CSTF3: variants seen among roughly 807,000 people sequenced by gnomAD.
CSTF3 encodes CF-1 77 kDa subunit.
Under a neutral mutation model 105.8 loss-of-function variants are expected in CSTF3, and 29 were observed. The observed-to-expected ratio is 0.27, with a 90% confidence interval of 0.20 to 0.37. The LOEUF is 0.37. Ranked by LOEUF, CSTF3 falls within the 10% of genes least tolerant of loss-of-function variation. CSTF3 has a pLI of 1.00. For missense variants in CSTF3, 357 were observed against 879.3 expected (o/e 0.41, Z 7.51); for synonymous variants, 252 against 281.9 (o/e 0.89, Z 1.06).
chr11:33,095,822 AT>A (rs201569985), intron 15 of CSTF3, among the ~76,000 whole-genome samples: 1,756 of 133,648 alleles, frequency 0.013, 33 homozygotes, highest in Middle Eastern at 0.019. Context: ...TCTGTCTCAA[AT>A]AAATAAATAA....
intron 1 of CSTF3, among the ~76,000 whole-genome samples, chr11:33,145,726 ATAG>A (rs1398308379): frequency 6.6e-6 from 1 of 151,972 alleles, no homozygotes; most frequent in African/African-American, 2.4e-5. Flanking sequence ...AGGCAAGAGA[ATAG>A]CGTGAACCTG....
At chr11:33,127,498 A>G (rs1420307050) in intron 3 of CSTF3, among the ~76,000 whole-genome samples, 1 of 152,212 alleles carries the variant, frequency 6.6e-6, no homozygotes, top group South Asian at 2.1e-4. Context: ...TATTACATCA[A>G]CACATTCTTA....
chr11:33,126,854 G>A (rs913821818), intron 3 of CSTF3, among the ~76,000 whole-genome samples: 3 of 152,084 alleles, frequency 2.0e-5, no homozygotes, highest in Admixed American at 2.0e-4. Context: ...CAAACTATAA[G>A]TAAATTATTC....
At chr11:33,088,567 A>C (rs1207085279) in intron 17 of CSTF3, among the ~76,000 whole-genome samples, 1 of 152,054 alleles carries the variant, frequency 6.6e-6, no homozygotes, top group Middle Eastern at 3.2e-3. Flanking sequence ...GGTGTGAGCC[A>C]CCACACCTGG....
intron 15 of CSTF3, among the ~76,000 whole-genome samples, chr11:33,093,895 A>T (rs1305235124): frequency 1.3e-5 from 2 of 151,986 alleles, no homozygotes; most frequent in Non-Finnish European, 2.9e-5. Flanking sequence ...TTTAGTAGAG[A>T]CGGGGTTTCA....
intron 3 of CSTF3, among the ~76,000 whole-genome samples, chr11:33,111,759 C>A (rs553749699): frequency 1.3e-5 from 2 of 152,052 alleles, no homozygotes; most frequent in East Asian, 3.9e-4. Context: ...TGGTATTAGC[C>A]CAATAAATGT....
intron 1 of CSTF3, among the ~76,000 whole-genome samples, chr11:33,146,228 G>C (rs1171757081): frequency 1.3e-5 from 2 of 151,334 alleles, no homozygotes; most frequent in Non-Finnish European, 2.9e-5. Context: ...GGGTAATAGA[G>C]CAAGACTCCG....
rs537311259 is a variant in CSTF3, at chr11:33,123,571, C to A, written c.226-15153G>T. 1.3e-4 allele frequency among the ~76,000 whole-genome samples: 19 copies of A among 151,972 alleles called. No individual in the cohort carries two copies. In the South Asian group the frequency reaches 3.9e-3, roughly 32 times the overall value. On this transcript the variant is annotated intron_variant, in intron 3 of 20. Transcript: ENST00000323959. ...GATATGTACACAATTACTGCAGTACCGTCTGTAATAATATATAAGACAGGG... is the reference window on the plus strand; with the variant it reads ...GATATGTACACAATTACTGCAGTACAGTCTGTAATAATATATAAGACAGGG...
chr11:33,118,066 C>T (rs919068283), intron 3 of CSTF3, among the ~76,000 whole-genome samples: 3 of 150,218 alleles, frequency 2.0e-5, no homozygotes, highest in East Asian at 1.9e-4. Flanking sequence ...TCTCTAATCT[C>T]ATGACAGATT....
chr11:33,090,096 A>G (rs1384031687), intron 17 of CSTF3, among the ~76,000 whole-genome samples: 4 of 152,248 alleles, frequency 2.6e-5, no homozygotes, highest in Non-Finnish European at 5.9e-5. Context: ...ACAAGCTGTA[A>G]TATTTCTTCA....
intron 3 of CSTF3, chr11:33,141,434 C>T: frequency 1.6e-6 from 2 of 1,277,550 alleles, no homozygotes; most frequent in Non-Finnish European, 2.0e-6. Context: ...ACTCCAATAC[C>T]ATTGAAACTG....
At chr11:33,102,584 T>C (rs751072851) in intron 9 of CSTF3, among the ~76,000 whole-genome samples, 11 of 152,154 alleles carry the variant, frequency 7.2e-5, no homozygotes, top group Non-Finnish European at 1.0e-4. Flanking sequence ...ATCTAGGAGG[T>C]TACTTTCCAG....
chr11:33,100,373 C>A (rs937582768), intron 10 of CSTF3, among the ~76,000 whole-genome samples: 6 of 128,526 alleles, frequency 4.7e-5, no homozygotes, highest in African/African-American at 1.4e-4. Context: ...AAAAAAAAAT[C>A]TTGTTTAGAG....
At chr11:33,129,928 C>A (rs1450678660) in intron 3 of CSTF3, among the ~76,000 whole-genome samples, 1 of 152,194 alleles carries the variant, frequency 6.6e-6, no homozygotes, top group East Asian at 1.9e-4. Flanking sequence ...CAGGTAGCTA[C>A]ATGAAGATAC....
At chr11:33,119,752 A>G (rs1371119508) in intron 3 of CSTF3, among the ~76,000 whole-genome samples, 1 of 151,790 alleles carries the variant, frequency 6.6e-6, no homozygotes, top group Non-Finnish European at 1.5e-5. Context: ...ATACCCTATC[A>G]CTTTTTCCAA....
At chr11:33,118,159 G>A (rs1046051205) in intron 3 of CSTF3, among the ~76,000 whole-genome samples, 4 of 149,900 alleles carry the variant, frequency 2.7e-5, no homozygotes, top group Non-Finnish European at 5.9e-5. Context: ...GTAATTCATT[G>A]GTATTTTTCT....
At chr11:33,090,120 A>C (rs760022404) in intron 17 of CSTF3, among the ~76,000 whole-genome samples, 2 of 152,254 alleles carry the variant, frequency 1.3e-5, no homozygotes, top group Non-Finnish European at 2.9e-5. Context: ...TATCTTACAA[A>C]ATATGCAACA....
At chr11:33,159,594 T>C (rs1319414808) in intron 1 of CSTF3, among the ~76,000 whole-genome samples, 3 of 12,764 alleles carry the variant, frequency 2.4e-4, no homozygotes, top group East Asian at 2.4e-3. Flanking sequence ...AGGCTCCATC[T>C]CAAAAAAAAA....
chr11:33,092,603 C>T (rs796462924), intron 15 of CSTF3, among the ~76,000 whole-genome samples: 19 of 152,276 alleles, frequency 1.2e-4, no homozygotes, highest in African/African-American at 4.1e-4. Context: ...TACTATACTG[C>T]AGTTCTAATG....
Sources: gnomAD v4.1 joint callset for allele counts (sites outside exome capture counted in the v4.1 genomes callset) on GRCh38, gnomAD v4.1.1 for gene constraint, MANE v1.5 for transcripts, NCBI Gene and HGNC (gene_info 2026-07-23, HGNC 2026-07-21) for gene names.